The following SUGCT variants were observed in gnomAD, a reference collection of about 807,000 sequenced individuals.
SUGCT encodes succinyl-CoA:glutarate-CoA transferase, also known as succinyl-CoA:glutarate CoA-transferase.
SUGCT carries 41 observed loss-of-function variants against 55.0 expected under a neutral mutation model. That is an observed-to-expected ratio of 0.74 (90% confidence interval 0.58 to 0.97). The LOEUF (loss-of-function observed/expected upper bound fraction) is 0.97, where lower values mean the gene tolerates loss of function less well. Among genes scored for constraint, SUGCT ranks in the 50% least tolerant of loss-of-function variants. The probability of loss-of-function intolerance (pLI) is 0.00; values close to 1 mark genes in which losing one functional copy is unlikely to be tolerated. For missense variants in SUGCT, 568 were observed against 547.8 expected (o/e 1.04, Z -0.37); for synonymous variants, 187 against 200.4 (o/e 0.93, Z 0.56).
At chr7:40,364,545 A>G (rs925478730) in intron 9 of SUGCT, among the ~76,000 whole-genome samples, 6 of 152,210 alleles carry the variant, frequency 3.9e-5, no homozygotes, top group African/African-American at 1.2e-4. Flanking sequence ...GCTTGTCTGT[A>G]AAGTATTTTA....
the SUGCT span, among the ~76,000 whole-genome samples, chr7:40,996,037 A>G: frequency 1.3e-5 from 2 of 152,246 alleles, no homozygotes; most frequent in Non-Finnish European, 2.9e-5. Context: ...ATGTTTCTCC[A>G]GTGTGAGCAA....
At chr7:40,750,951 C>T (rs1787983297) in intron 13 of SUGCT, among the ~76,000 whole-genome samples, 1 of 152,174 alleles carries the variant, frequency 6.6e-6, no homozygotes, top group African/African-American at 2.4e-5. Flanking sequence ...CAGACAACTT[C>T]ACCCCTGGCC....
At chr7:40,731,952 A>G (rs1786907941) in intron 12 of SUGCT, among the ~76,000 whole-genome samples, 1 of 152,110 alleles carries the variant, frequency 6.6e-6, no homozygotes, top group South Asian at 2.1e-4. Context: ...ATTTGTTTAG[A>G]TAGGGGTACA....
Position 40,727,842 on chromosome 7 carries a change from A to G in SUGCT, c.1090-21592A>G, listed in dbSNP as rs529157189. Among the ~76,000 whole-genome samples the G allele has an allele frequency of 2.0e-5, 3 of 152,322 alleles. No individual in the cohort carries two copies. In the South Asian group the frequency reaches 6.2e-4, roughly 32 times the overall value. On this transcript the variant is annotated intron_variant, in intron 12 of 13. Transcript: ENST00000335693. ...CTTAATATTGGGGATTAGTTTATTC[A>G]TATAAAATTACATTATGCATTTTTA...
chr7:40,957,447 C>CTTTTTTTTTTTTTTTTT, the SUGCT span, among the ~76,000 whole-genome samples: 5 of 76,108 alleles, frequency 6.6e-5, no homozygotes, highest in Non-Finnish European at 1.2e-4. Context: ...GCAACCCCTG[C>CTTTTTTTTTTTTTTTTT]TTTTTTTTTT....
At chr7:40,556,121 C>T (rs1795549493) in intron 12 of SUGCT, among the ~76,000 whole-genome samples, 1 of 152,096 alleles carries the variant, frequency 6.6e-6, no homozygotes, top group Non-Finnish European at 1.5e-5. Context: ...TTGCCCTGTG[C>T]CCAGATCCCT....
chr7:40,890,356 TATA>T, the SUGCT span, among the ~76,000 whole-genome samples: 1 of 144,390 alleles, frequency 6.9e-6, no homozygotes, highest in Non-Finnish European at 1.5e-5. Context: ...TTAATATATT[TATA>T]ATAATATAAA....
At chr7:41,037,055 C>A in the SUGCT span, among the ~76,000 whole-genome samples, 1 of 152,130 alleles carries the variant, frequency 6.6e-6, no homozygotes, top group African/African-American at 2.4e-5. Context: ...TCATAATTAC[C>A]TCACTTATAA....
chr7:40,987,059 T>C, the SUGCT span, among the ~76,000 whole-genome samples: 3 of 152,218 alleles, frequency 2.0e-5, no homozygotes, highest in Non-Finnish European at 4.4e-5. Context: ...ATTGCTCTAG[T>C]TCCCATAATG....
In SUGCT at chr7:40,337,642, C is replaced by G. The variant is rs142603356; in HGVS notation, c.816+20787C>G. ...CCCTTTGTTTTGAGTCTATGTGTGTCTCTGCATGTGAGATGGGTCTCCTGA... is the reference window on the plus strand; with the variant it reads ...CCCTTTGTTTTGAGTCTATGTGTGTGTCTGCATGTGAGATGGGTCTCCTGA... On this transcript the variant is annotated intron_variant, in intron 9 of 13. Coordinates refer to ENST00000335693, the MANE Select transcript of SUGCT (RefSeq NM_001193313.2). 5.0e-3 allele frequency among the ~76,000 whole-genome samples: 758 copies of G among 152,266 alleles called. 6 individuals are homozygous for G. The highest frequency in any genetic ancestry group is 0.018 in the African/African-American group (732 of 41,544).
chr7:40,451,381 A>G (rs1215198041), intron 10 of SUGCT, among the ~76,000 whole-genome samples: 1 of 152,238 alleles, frequency 6.6e-6, no homozygotes, highest in Non-Finnish European at 1.5e-5. Flanking sequence ...ATAAATATCC[A>G]TAAGAACAGT....
intron 8 of SUGCT, among the ~76,000 whole-genome samples, chr7:40,296,198 A>G (rs868407779): frequency 6.6e-6 from 1 of 152,240 alleles, no homozygotes; most frequent in Non-Finnish European, 1.5e-5. Flanking sequence ...TGTGCAAGTC[A>G]TAGGAAAATA....
chr7:40,441,303 T>A (rs1450291945), intron 9 of SUGCT, among the ~76,000 whole-genome samples: 1 of 152,168 alleles, frequency 6.6e-6, no homozygotes, highest in Non-Finnish European at 1.5e-5. Flanking sequence ...ATGTCTTGGG[T>A]GGGATTCATT....
chr7:40,296,967 C>T (rs1794195498), intron 8 of SUGCT, among the ~76,000 whole-genome samples: 1 of 152,108 alleles, frequency 6.6e-6, no homozygotes, highest in South Asian at 2.1e-4. Context: ...GCTTTAGTTT[C>T]CTCATTCACT....
chr7:40,544,132 GT>G (rs36008782), intron 12 of SUGCT, among the ~76,000 whole-genome samples: 44,576 of 137,298 alleles, frequency 0.32, 7,065 homozygotes, highest in African/African-American at 0.44. Flanking sequence ...AAGGTGGGAG[GT>G]TTTTTTTTTT....
At chr7:40,646,377 G>C (rs1000584147) in intron 12 of SUGCT, among the ~76,000 whole-genome samples, 1 of 152,072 alleles carries the variant, frequency 6.6e-6, no homozygotes, top group African/African-American at 2.4e-5. Context: ...AATTTAAATA[G>C]CTGGGTTTTT....
At chr7:40,963,298 A>G in the SUGCT span, among the ~76,000 whole-genome samples, 1 of 152,124 alleles carries the variant, frequency 6.6e-6, no homozygotes, top group Admixed American at 6.5e-5. Flanking sequence ...GAACAAGAAC[A>G]TGTCCTATCC....
intron 12 of SUGCT, among the ~76,000 whole-genome samples, chr7:40,719,460 A>T (rs1385073394): frequency 6.6e-6 from 1 of 152,188 alleles, no homozygotes; most frequent in Non-Finnish European, 1.5e-5. Context: ...CTTTGGCATT[A>T]TACCTAGCTG....
intron 13 of SUGCT, among the ~76,000 whole-genome samples, chr7:40,795,395 C>T (rs2128747436): frequency 6.6e-6 from 1 of 152,220 alleles, no homozygotes; most frequent in South Asian, 2.1e-4. Context: ...GTGTTTAAAG[C>T]CCATCTTCTT....
Sources: allele counts gnomAD v4.1 joint callset (sites outside exome capture counted in the v4.1 genomes callset), GRCh38; gene constraint gnomAD v4.1.1; transcripts MANE v1.5; gene names NCBI Gene and HGNC (gene_info 2026-07-23, HGNC 2026-07-21).